Variants in ANKFN1 observed in about 807,000 individuals in gnomAD.
ANKFN1 encodes ankyrin repeat and fibronectin type-III domain-containing protein 1.
Under a neutral mutation model 108.7 loss-of-function variants are expected in ANKFN1, and 74 were observed. The observed-to-expected ratio is 0.68, with a 90% CI of 0.56 to 0.83. The LOEUF is 0.83. Among genes scored for constraint, ANKFN1 ranks in the 40% least tolerant of loss-of-function variants. ANKFN1 has a pLI of 0.00. For missense variants in ANKFN1, 1,505 were observed against 1,382.3 expected, an observed-to-expected ratio of 1.09 and a Z score of -1.41; for synonymous variants, 547 against 516.2, an observed-to-expected ratio of 1.06 and a Z score of -0.81.
intron 14 of ANKFN1, among the ~76,000 whole-genome samples, chr17:56,463,300 T>C (rs1033750868): frequency 1.3e-5 from 2 of 152,182 alleles, no homozygotes; most frequent in Admixed American, 6.5e-5. Flanking sequence ...AGATAGGAAG[T>C]AGCAGATTCT....
At chr17:56,336,296 C>T (rs2045808666) in intron 4 of ANKFN1, among the ~76,000 whole-genome samples, 1 of 152,130 alleles carries the variant, frequency 6.6e-6, no homozygotes, top group South Asian at 2.1e-4. Flanking sequence ...AGGAATGGTA[C>T]CAGCTCCTCT....
chr17:56,292,417 G>A (rs1034327200), intron 3 of ANKFN1, among the ~76,000 whole-genome samples: 2 of 152,106 alleles, frequency 1.3e-5, no homozygotes, highest in Non-Finnish European at 2.9e-5. Context: ...GCTAAGGACC[G>A]TGCCTGGGGG....
intron 3 of ANKFN1, among the ~76,000 whole-genome samples, chr17:56,239,702 T>C (rs1272555836): frequency 6.6e-6 from 1 of 152,132 alleles, no homozygotes. Flanking sequence ...TTCGCTCCTC[T>C]TTCCACTTGG....
At position 56,205,014 on chromosome 17, in the gene ANKFN1, A is replaced by T. The variant is rs190185749; in HGVS notation, c.-70-7584A>T. Among the ~76,000 whole-genome samples, 514 of 152,274 alleles carry T rather than the reference A, an allele frequency of 3.4e-3. 2 individuals are homozygous for T. Among genetic ancestry groups the T allele is most frequent in the Non-Finnish European group, 5.5e-3 (374 of 68,016 alleles). On this transcript the variant is annotated intron_variant, in intron 1 of 20. Coordinates refer to ENST00000682825, the MANE Select transcript of ANKFN1 (RefSeq NM_001370326.1). ...TGGTGTGAACCCGGGAGGCGGAGCTAGCAGTGAGCCAAGACTGCACCACTG... is the reference window on the plus strand; with the variant it reads ...TGGTGTGAACCCGGGAGGCGGAGCTTGCAGTGAGCCAAGACTGCACCACTG...
intron 6 of ANKFN1, among the ~76,000 whole-genome samples, chr17:56,364,104 A>T (rs1014488383): frequency 1.3e-5 from 2 of 152,188 alleles, no homozygotes; most frequent in African/African-American, 2.4e-5. Context: ...CAAAAAAAAG[A>T]TATATATTTG....
chr17:56,377,337 T>G (rs1264057948), intron 8 of ANKFN1, among the ~76,000 whole-genome samples: 1 of 152,246 alleles, frequency 6.6e-6, no homozygotes, highest in Non-Finnish European at 1.5e-5. Context: ...TTTTAAGTTT[T>G]CTTCACACCG....
chr17:56,331,430 A>C (rs1043879996), intron 4 of ANKFN1, among the ~76,000 whole-genome samples: 1 of 152,176 alleles, frequency 6.6e-6, no homozygotes, highest in Non-Finnish European at 1.5e-5. Flanking sequence ...ACTGGCTCAG[A>C]CCTTTTGTCA....
At chr17:56,424,592 G>C (rs2048501272) in intron 8 of ANKFN1, among the ~76,000 whole-genome samples, 1 of 152,164 alleles carries the variant, frequency 6.6e-6, no homozygotes, top group Non-Finnish European at 1.5e-5. Flanking sequence ...GCCCTTCCTT[G>C]GTTGCTTCAT....
At chr17:56,190,116 G>C (rs1912741364) in intron 1 of ANKFN1, among the ~76,000 whole-genome samples, 1 of 137,358 alleles carries the variant, frequency 7.3e-6, no homozygotes, top group African/African-American at 2.7e-5. Context: ...TTCTTTATTA[G>C]TCTTGCTAGC....
intron 4 of ANKFN1, among the ~76,000 whole-genome samples, chr17:56,127,874 A>C (rs1907030677): frequency 6.6e-6 from 1 of 152,234 alleles, no homozygotes; most frequent in African/African-American, 2.4e-5. Flanking sequence ...CTATGCCATC[A>C]GCCTCCAAAG....
intron 4 of ANKFN1, among the ~76,000 whole-genome samples, chr17:56,113,554 T>C (rs1406703513): frequency 6.6e-6 from 1 of 152,182 alleles, no homozygotes. Flanking sequence ...TGTGGAACCA[T>C]GGACAAGTTA....
intron 4 of ANKFN1, among the ~76,000 whole-genome samples, chr17:56,048,974 T>G (rs1253419397): frequency 6.6e-6 from 1 of 152,232 alleles, no homozygotes. Flanking sequence ...TCTTATAGTT[T>G]CCACTGCCCT....
intron 11 of ANKFN1, among the ~76,000 whole-genome samples, chr17:56,455,616 T>C (rs2049663327): frequency 6.6e-6 from 1 of 152,200 alleles, no homozygotes; most frequent in Non-Finnish European, 1.5e-5. Context: ...AACCTCATTT[T>C]CCCTTCATTG....
At chr17:56,364,233 A>G (rs1027000667) in intron 6 of ANKFN1, among the ~76,000 whole-genome samples, 2 of 152,170 alleles carry the variant, frequency 1.3e-5, no homozygotes, top group African/African-American at 2.4e-5. Flanking sequence ...ATAAAATAAA[A>G]TTTAAAAAAG....
chr17:56,063,096 C>T (rs1482542375), intron 4 of ANKFN1, among the ~76,000 whole-genome samples: 1 of 152,214 alleles, frequency 6.6e-6, no homozygotes, highest in Non-Finnish European at 1.5e-5. Flanking sequence ...GAGAGGTCCA[C>T]TGTTAGTCTG....
intron 3 of ANKFN1, among the ~76,000 whole-genome samples, chr17:56,304,560 A>T (rs1270558028): frequency 6.6e-6 from 1 of 152,190 alleles, no homozygotes; most frequent in Non-Finnish European, 1.5e-5. Flanking sequence ...TTTTAAAAAA[A>T]ATCTCCCAAA....
At chr17:56,123,521 A>G (rs1340304937) in intron 4 of ANKFN1, among the ~76,000 whole-genome samples, 2 of 152,314 alleles carry the variant, frequency 1.3e-5, no homozygotes, top group East Asian at 3.9e-4. Context: ...TCCCAAAAAC[A>G]CACAGAAGAT....
chr17:56,457,028 A>G lies in ANKFN1; in HGVS notation c.1307+68A>G. On this transcript the variant is annotated intron_variant, in intron 12 of 20. Transcript: ENST00000682825. ...GAATGCACTGGTTTTGGTTCTGAGT[A>G]GAAACTTGGTAGAAATTTTTTTGTG... The G allele has an allele frequency of 2.1e-6, 3 of 1,434,136 alleles. No individual in the cohort carries two copies. In the South Asian group the frequency reaches 3.8e-5, roughly 18 times the overall value. 88.8% of individuals were successfully genotyped at this position (1,434,136 alleles called of 1,614,324 possible).
intron 15 of ANKFN1, among the ~76,000 whole-genome samples, chr17:56,467,783 GAAAGAAAGAAGAAAGA>G (rs1357557865): frequency 0.015 from 333 of 22,608 alleles, no homozygotes; most frequent in Non-Finnish European, 0.021. Flanking sequence ...AAGAAAGAAA[GAAAGAAAGAAGAAAGA>G]AAGAAAGAAA....
Sources: allele counts gnomAD v4.1 joint callset (sites outside exome capture counted in the v4.1 genomes callset), GRCh38; gene constraint gnomAD v4.1.1; transcripts MANE v1.5; gene names NCBI Gene and HGNC (gene_info 2026-07-23, HGNC 2026-07-21).